Variants in IQSEC2 observed in about 807,000 individuals in gnomAD.
IQSEC2 encodes IQ motif and SEC7 domain-containing protein 2.
IQSEC2 carries 6 observed loss-of-function variants against 74.6 expected under a neutral mutation model. That is an observed-to-expected ratio of 0.08 (90% CI 0.04 to 0.16). The LOEUF is 0.16. Ranked by LOEUF, IQSEC2 falls within the 10% of genes least tolerant of loss-of-function variation. IQSEC2 has a pLI of 1.00. For synonymous variants in IQSEC2, 494 were observed against 544.5 expected (o/e 0.91, Z 1.29); for missense variants, 734 against 1,306.2 (o/e 0.56, Z 6.75).
downstream of IQSEC2, chrX:53,229,046 A>C (rs1040166720): frequency 1.8e-5 from 2 of 112,559 alleles, no homozygotes; most frequent in Admixed American, 1.9e-4. Flanking sequence ...AATTATATAG[A>C]AGGAATGATG....
chrX:53,279,236 G>C, intron 2 of IQSEC2: 1 of 240,924 alleles, frequency 4.2e-6, no homozygotes, highest in Non-Finnish European at 7.5e-6. Flanking sequence ...TGTTCCCTCT[G>C]CCTAACTGCC....
At chrX:53,303,695 G>A (rs1337143858) in intron 1 of IQSEC2, among the ~76,000 whole-genome samples, 2 of 109,454 alleles carry the variant, frequency 1.8e-5, no homozygotes, top group Non-Finnish European at 3.8e-5. Context: ...CAGCTATTCA[G>A]GAGGCTGAGG....
intron 1 of IQSEC2, among the ~76,000 whole-genome samples, chrX:53,317,739 T>C (rs1233244483): frequency 8.9e-6 from 1 of 112,480 alleles, no homozygotes; most frequent in African/African-American, 3.2e-5. Context: ...CCTCTGCTGC[T>C]AAACTCCCAC....
chrX:53,245,849 T>G (rs1569298952), intron 8 of IQSEC2, among the ~76,000 whole-genome samples: 3 of 102,756 alleles, frequency 2.9e-5, no homozygotes, highest in Non-Finnish European at 3.9e-5. Flanking sequence ...TGACCTCATC[T>G]CAATTGTTCT....
At chrX:53,316,504 A>G (rs2075372743) in intron 1 of IQSEC2, among the ~76,000 whole-genome samples, 2 of 110,760 alleles carry the variant, frequency 1.8e-5, no homozygotes, top group African/African-American at 6.6e-5. Context: ...AGCAGACGAC[A>G]GCATGTGGTA....
Position 53,244,001 on chromosome X carries a change from C to T in IQSEC2, c.2750-530G>A, listed in dbSNP as rs781990984. 2.7e-5 allele frequency among the ~76,000 whole-genome samples: 3 copies of T among 110,604 alleles called. No homozygotes were observed. The South Asian group carries it at 1.1e-3, about 42-fold the overall frequency. ...TTGGGAGGCCGAGGCAGGTGGATCA[C>T]GAGGTCAGGAGATCAAGACCATCCT... On this transcript the variant is annotated intron_variant, in intron 8 of 14. Coordinates refer to ENST00000642864, the MANE Select transcript of IQSEC2 (RefSeq NM_001111125.3).
At chrX:53,291,352 A>C (rs2075097749) in intron 2 of IQSEC2, among the ~76,000 whole-genome samples, 1 of 111,778 alleles carries the variant, frequency 8.9e-6, no homozygotes, top group African/African-American at 3.3e-5. Flanking sequence ...AATAAAATAA[A>C]ATAAAATAAA....
At chrX:53,311,980 T>G (rs1356593203) in intron 1 of IQSEC2, among the ~76,000 whole-genome samples, 1 of 111,379 alleles carries the variant, frequency 9.0e-6, no homozygotes, top group African/African-American at 3.3e-5. Context: ...ACGCTGCTAG[T>G]GAAGTGTCCT....
In IQSEC2 at chrX:53,254,592, C is replaced by T. The variant is rs1556864546; in HGVS notation, c.1339G>A (p.Val447Ile). ...GGGIDGGGSS[V>I]TTSGEFSNDI... ...TTAGAAAACTCTCCAGATGTGGTGA[C>T]GGAGCTTCCACCACCATCGATGCCC... The change falls in exon 4 of 15, where the codon GTC (valine) becomes ATC (isoleucine). Residue 447 changes from valine to isoleucine, a missense_variant. Val to Ile is a conservative substitution (Grantham distance 29). Transcript: ENST00000642864. 2.4e-5 allele frequency: 29 copies of T among 1,191,856 alleles called. No homozygotes were observed. The highest frequency in any genetic ancestry group is 3.2e-5 in the Non-Finnish European group (28 of 886,427).
Position 53,246,975 on chromosome X carries a change from G to C in IQSEC2, c.2743C>G (p.Leu915Val). 1 of 1,210,536 alleles carries C rather than the reference G, an allele frequency of 8.3e-7. No individual in the cohort carries two copies. The highest frequency in any genetic ancestry group is 1.1e-6 in the Non-Finnish European group (1 of 894,587). The change falls in exon 8 of 15, where the codon CTG (leucine) becomes GTG (valine). Residue 915 changes from leucine to valine, a missense_variant. This residue lies in a region of IQSEC2 where 249 missense variants were observed against 467.9 expected (regional missense o/e 0.53). Coordinates refer to ENST00000642864, the MANE Select transcript of IQSEC2 (RefSeq NM_001111125.3). The part of the protein sequence containing the change: ...KMKLDDFIKN[L>V]RGVDNGEDIP... ...AAGCTGACAGGGAAGTCACCTCTCAGGTTCTTGATGAAGTCATCTAGTTTC... is the reference window on the plus strand; with the variant it reads ...AAGCTGACAGGGAAGTCACCTCTCACGTTCTTGATGAAGTCATCTAGTTTC...
At position 53,241,996 on chromosome X, in the gene IQSEC2, T is replaced by C. The variant is rs1209401257; in HGVS notation, c.2890-87A>G. ...CACCTTAACTTTCAACCGCAAGAAG[T>C]TTACCACTCATACATGTGTGTCACT... On this transcript the variant is annotated intron_variant, in intron 9 of 14. Coordinates refer to ENST00000642864, the MANE Select transcript of IQSEC2 (RefSeq NM_001111125.3). 8.4e-6 allele frequency: 9 copies of C among 1,070,881 alleles called. No individual in the cohort carries two copies. The Admixed American group carries it at 1.0e-4, about 12-fold the overall frequency. 88.3% of individuals were successfully genotyped at this position (1,070,881 alleles called of 1,213,427 possible).
In IQSEC2 at chrX:53,320,580, G is replaced by C; in HGVS notation, c.544C>G (p.Arg182Gly). Residue 182 changes from arginine (R) to glycine (G), a missense_variant, in exon 1 of 15, where the codon CGC (arginine) becomes GGC (glycine). By Grantham distance (125) the Arg-to-Gly change is moderately radical. Coordinates refer to ENST00000642864, the MANE Select transcript of IQSEC2 (RefSeq NM_001111125.3). ...GCCGAATAGCCCGCTTCCTTCTCGCGGCCCGGGTGCGCCGGCCCGGCCTCC... is the reference window on the plus strand; with the variant it reads ...GCCGAATAGCCCGCTTCCTTCTCGCCGCCCGGGTGCGCCGGCCCGGCCTCC... ...GREAGPAHPG[R>G]EKEAGYSAAV... is the part of the protein sequence containing the mutation. 1 of 1,153,870 alleles carries C rather than the reference G, an allele frequency of 8.7e-7. No homozygotes were observed. Among genetic ancestry groups the C allele is most frequent in the Non-Finnish European group, 1.2e-6 (1 of 867,773 alleles).
chrX:53,311,036 C>T (rs2075315616), intron 1 of IQSEC2, among the ~76,000 whole-genome samples: 1 of 98,764 alleles, frequency 1.0e-5, no homozygotes, highest in African/African-American at 3.6e-5. Context: ...AGGAGAATCC[C>T]TTGAACCCAG....
intron 8 of IQSEC2, among the ~76,000 whole-genome samples, chrX:53,245,439 A>AT (rs1319146010): frequency 4.6e-5 from 5 of 108,508 alleles, no homozygotes; most frequent in African/African-American, 6.7e-5. Flanking sequence ...AAAAATAAAA[A>AT]AAAAAAAAAC....
In IQSEC2 at chrX:53,233,935, C is replaced by T. The variant is rs1341900529; in HGVS notation, c.*284G>A. Reference sequence around the variant, plus strand: ...CAGGGAAAAGTGGGGAAGAAGAAGACGGGAGAAAGAGTACGAGGATCTCTG... The same window carrying T: ...CAGGGAAAAGTGGGGAAGAAGAAGATGGGAGAAAGAGTACGAGGATCTCTG... On this transcript the variant is annotated 3_prime_UTR_variant, in exon 15 of 15. Transcript: ENST00000642864. 1.0e-5 allele frequency: 3 copies of T among 296,965 alleles called. No homozygotes were observed. Among genetic ancestry groups the T allele is most frequent in the Admixed American group, 6.1e-5 (1 of 16,372 alleles). The allele number at this position is 296,965 out of a possible 1,213,427, so 24.5% of individuals were successfully genotyped here. A position where few individuals can be genotyped will look rare whatever the true frequency, so the allele number is the denominator to read the frequency against.
In IQSEC2 at chrX:53,234,906, C is replaced by T; in HGVS notation, c.3780G>A (p.Gly1260=). Residue 1260 remains glycine, a synonymous_variant, in exon 15 of 15, where the codon GGG becomes GGA. Coordinates refer to ENST00000642864, the MANE Select transcript of IQSEC2 (RefSeq NM_001111125.3). ...SHGGLGVLPD[G]QSKLQALHAQ... ...CATGCAGGGCCTGGAGCTTGGACTG[C>T]CCATCAGGCAGCACCCCCAGGCCAC... 8.6e-7 allele frequency: 1 copy of T among 1,166,402 alleles called. No homozygotes were observed. Among genetic ancestry groups the T allele is most frequent in the East Asian group, 3.3e-5 (1 of 30,718 alleles).
At chrX:53,268,416 T>A (rs782006807) in intron 2 of IQSEC2, among the ~76,000 whole-genome samples, 2 of 111,444 alleles carry the variant, frequency 1.8e-5, no homozygotes, top group African/African-American at 3.3e-5. Context: ...CAAAATCACA[T>A]GAAGCAGGGC....
chrX:53,320,463 G>C lies in IQSEC2; in HGVS notation c.661C>G (p.His221Asp). 8.6e-7 allele frequency: 1 copy of C among 1,165,914 alleles called. No homozygotes were observed. Among genetic ancestry groups the C allele is most frequent in the Non-Finnish European group, 1.1e-6 (1 of 872,349 alleles). ...GGGCTGGTGCTGGTACTGGTGCTGT[G>C]GCCTCCGCCGGCGCCGGGACTGGAG... ...RSSSPGAGGG[H>D]STSTSTSPAT... The change falls in exon 1 of 15, where the codon CAC becomes GAC. Residue 221 changes from histidine to aspartate, a missense_variant. Coordinates refer to ENST00000642864, the MANE Select transcript of IQSEC2 (RefSeq NM_001111125.3).
chrX:53,242,808 T>A (rs895896033), intron 9 of IQSEC2, among the ~76,000 whole-genome samples: 2 of 111,536 alleles, frequency 1.8e-5, no homozygotes, highest in Non-Finnish European at 3.8e-5. Context: ...CGATCTCAGC[T>A]CACTGCAACC....
Sources: gnomAD v4.1 joint callset for allele counts (sites outside exome capture counted in the v4.1 genomes callset) on GRCh38, gnomAD v4.1.1 for gene constraint, gnomAD v4.1.1 regional missense constraint, MANE v1.5 for transcripts, NCBI Gene and HGNC (gene_info 2026-07-23, HGNC 2026-07-21) for gene names.